The following UAP1L1 variants were observed in gnomAD, a reference collection of about 807,000 sequenced individuals.
UAP1L1 encodes the protein UDP-N-acetylglucosamine pyrophosphorylase 1 like 1, also known as UDP-N-acetylhexosamine pyrophosphorylase-like protein 1.
Under a neutral mutation model 45.3 loss-of-function variants are expected in UAP1L1, and 45 were observed. The observed-to-expected ratio is 0.99, with a 90% CI of 0.78 to 1.27. The LOEUF (loss-of-function observed/expected upper bound fraction) is 1.27, where lower values mean the gene tolerates loss of function less well. UAP1L1 is among the 50% of genes most tolerant of loss of function. The pLI, the probability that UAP1L1 is intolerant of heterozygous loss-of-function variation, is 0.00. For missense variants in UAP1L1, 667 were observed against 694.0 expected (o/e 0.96, Z 0.44); for synonymous variants, 323 against 303.9 (o/e 1.06, Z -0.65).
At chr9:137,080,563 C>T (rs1832773536) in intron 6 of UAP1L1, 126 bp from the exon 7 acceptor site, 4 of 938,898 alleles carry the variant, frequency 4.3e-6, no homozygotes, top group African/African-American at 1.7e-5. Context: ...TGCGGGGGCT[C>T]CTCCCTAGAC....
chr9:137,078,481 C>G (rs940202113), intron 2 of UAP1L1, 21 bp from the exon 3 acceptor site: 26 of 1,612,672 alleles, frequency 1.6e-5, no homozygotes, highest in Non-Finnish European at 2.1e-5. Context: ...TCGCGGCCGG[C>G]TCACCGCGCC....
At chr9:137,080,290 T>G in intron 6 of UAP1L1, 148 bp downstream of exon 6, 1 of 1,050,658 alleles carries the variant, frequency 9.5e-7, no homozygotes, top group Non-Finnish European at 1.4e-6. Context: ...AGGGTGCTCT[T>G]GGCCCTGAGG....
At position 137,077,994 on chromosome 9, in the gene UAP1L1, T is replaced by C; in HGVS notation, c.290-56T>C. On this transcript the variant is annotated intron_variant, in intron 1 of 8. Transcript: ENST00000409858. This position sits in a 1 kb window ranked among gnomAD's most constrained non-coding sequence, Gnocchi z 4.7. Reference sequence around the variant, plus strand: ...CCCCAGCCCCAGAGTTGGTTTCCCCTAAAGCGGAAGGGTGGGCGGGTCCCG... The same window carrying C: ...CCCCAGCCCCAGAGTTGGTTTCCCCCAAAGCGGAAGGGTGGGCGGGTCCCG... The C allele has an allele frequency of 6.5e-7, 1 of 1,538,394 alleles. No individual in the cohort carries two copies. Among genetic ancestry groups the C allele is most frequent in the Non-Finnish European group, 8.7e-7 (1 of 1,146,598 alleles).
chr9:137,078,476 G>C, intron 2 of UAP1L1, 26 bp from the exon 3 acceptor site: 1 of 1,612,734 alleles, frequency 6.2e-7, no homozygotes, highest in Non-Finnish European at 8.5e-7. Flanking sequence ...CGTACTCGCG[G>C]CCGGCTCACC....
rs1183813125 is a variant in UAP1L1, at chr9:137,084,208, G to GT, written c.*1483dup. 6.6e-6 allele frequency: 1 copy of GT among 151,488 alleles called. No homozygotes were observed. The highest frequency in any genetic ancestry group is 1.9e-4 in the East Asian group (1 of 5,194). 9.4% of individuals were successfully genotyped at this position (151,488 alleles called of 1,614,324 possible). On this transcript the variant is annotated 3_prime_UTR_variant, in exon 9 of 9. Coordinates refer to ENST00000409858, the MANE Select transcript of UAP1L1 (RefSeq NM_207309.3). Reference sequence around the variant, plus strand: ...TTGGGTGAAGTCTTTTTTTTTGTTTGTTTTAGACGGAGTTTCACTCTTGTT... The same window carrying GT: ...TTGGGTGAAGTCTTTTTTTTTGTTTGTTTTTAGACGGAGTTTCACTCTTGTT...
chr9:137,081,341 A>G (rs1292908230), intron 7 of UAP1L1, among the ~76,000 whole-genome samples: 1 of 150,534 alleles, frequency 6.6e-6, no homozygotes, highest in African/African-American at 2.4e-5. Context: ...AGCTGGGACT[A>G]CAGGCGCCCG....
In UAP1L1 at chr9:137,077,966, G is replaced by A; in HGVS notation, c.290-84G>A. On this transcript the variant is annotated intron_variant, in intron 1 of 8. Coordinates refer to ENST00000409858, the MANE Select transcript of UAP1L1 (RefSeq NM_207309.3). This position sits in a 1 kb window ranked among gnomAD's most constrained non-coding sequence, Gnocchi z 4.7. The stretch of plus-strand genomic sequence containing the variant: ...CACGCGTTCCGGCCCCCGAGTCCTG[G>A]CGCCCCAGCCCCAGAGTTGGTTTCC... The A allele has an allele frequency of 6.5e-7, 1 of 1,531,290 alleles. No homozygotes were observed. Among genetic ancestry groups the A allele is most frequent in the Non-Finnish European group, 8.7e-7 (1 of 1,144,976 alleles). 94.9% of individuals were successfully genotyped at this position (1,531,290 alleles called of 1,614,324 possible).
At chr9:137,078,954 C>G in intron 3 of UAP1L1, 22 bp from the exon 4 acceptor site, 1 of 1,573,214 alleles carries the variant, frequency 6.4e-7, no homozygotes, top group Non-Finnish European at 8.6e-7. Flanking sequence ...CTCGCGATGC[C>G]CATTCCCTTC....
chr9:137,084,251 G>T lies in UAP1L1; in HGVS notation c.*1522G>T, dbSNP rs1241802130. 6.6e-6 allele frequency: 1 copy of T among 152,170 alleles called. No homozygotes were observed. Among genetic ancestry groups the T allele is most frequent in the Non-Finnish European group, 1.5e-5 (1 of 68,076 alleles). 9.4% of individuals were successfully genotyped at this position (152,170 alleles called of 1,614,324 possible). A position where few individuals can be genotyped will look rare whatever the true frequency, so the allele number is the denominator to read the frequency against. On this transcript the variant is annotated 3_prime_UTR_variant, in exon 9 of 9. Transcript: ENST00000409858. ...CTCTTGTTGCCCAGGCTGGAGTGAA[G>T]TGGCGTGACCTTGGCTCACTGCAAC...
At chr9:137,080,320 G>A (rs746330625) in intron 6 of UAP1L1, 178 bp downstream of exon 6, 1 of 743,588 alleles carries the variant, frequency 1.3e-6, no homozygotes, top group Non-Finnish European at 2.2e-6. Context: ...CCCTGAGGTG[G>A]GGGCATAGGG....
rs1429066672 is a variant in UAP1L1 at position 137,082,554 on chromosome 9, G to A, written c.1432-83G>A. Reference sequence around the variant, plus strand: ...CAGGCAGACCTGGGATCGCACCTGGGGACTGTGGCTCTTGGTGTGGCCAGA... The same window carrying A: ...CAGGCAGACCTGGGATCGCACCTGGAGACTGTGGCTCTTGGTGTGGCCAGA... On this transcript the variant is annotated intron_variant, in intron 8 of 8. Coordinates refer to ENST00000409858, the MANE Select transcript of UAP1L1 (RefSeq NM_207309.3). The surrounding 1 kb of genome is among the most constrained non-coding windows in gnomAD (Gnocchi z 5.7). 8.6e-7 allele frequency: 1 copy of A among 1,162,698 alleles called. No homozygotes were observed. The highest frequency in any genetic ancestry group is 1.3e-6 in the Non-Finnish European group (1 of 799,334). 72.0% of individuals were successfully genotyped at this position (1,162,698 alleles called of 1,614,324 possible). A position where few individuals can be genotyped will look rare whatever the true frequency, so the allele number is the denominator to read the frequency against.
chr9:137,082,753 C>T lies in UAP1L1; in HGVS notation c.*24C>T, dbSNP rs371000716. 45 of 1,528,416 alleles carry T rather than the reference C, an allele frequency of 2.9e-5. No homozygotes were observed. The East Asian group carries it at 3.9e-4, about 13-fold the overall frequency. 94.7% of individuals were successfully genotyped at this position (1,528,416 alleles called of 1,614,324 possible). A position where few individuals can be genotyped will look rare whatever the true frequency, so the allele number is the denominator to read the frequency against. ...GACCCGCCCAGACTGTCCCCAGACT[C>T]CCCCGAGACCTGCCAGCCCCGGCAT... On this transcript the variant is annotated 3_prime_UTR_variant, in exon 9 of 9. Transcript: ENST00000409858. This position sits in a 1 kb window ranked among gnomAD's most constrained non-coding sequence, Gnocchi z 5.7.
At position 137,078,592 on chromosome 9, in the gene UAP1L1, C is replaced by T; in HGVS notation, c.585C>T (p.Val195=). Residue 195 remains valine, a synonymous_variant, in exon 3 of 9, where the codon GTC becomes GTT. Coordinates refer to ENST00000409858, the MANE Select transcript of UAP1L1 (RefSeq NM_207309.3). ...TCCACCTGGACCCCGCCAACGTGGT[C>T]ATGTTTGAGCAGCGCCTGCTGCCTG... is the stretch of plus-strand genomic sequence containing the variant. The part of the protein sequence containing the change: ...NFFHLDPANV[V]MFEQRLLPAV... 1 of 1,613,172 alleles carries T rather than the reference C, an allele frequency of 6.2e-7. No individual in the cohort carries two copies. Among genetic ancestry groups the T allele is most frequent in the Non-Finnish European group, 8.5e-7 (1 of 1,180,020 alleles).
chr9:137,080,174 C>T (rs774013673), intron 6 of UAP1L1, 32 bp downstream of exon 6: 35 of 1,610,614 alleles, frequency 2.2e-5, no homozygotes, highest in South Asian at 6.6e-5. Flanking sequence ...TTTTCCCCTT[C>T]TTCCTTCTCT....
At position 137,077,939 on chromosome 9, in the gene UAP1L1, C is replaced by T; in HGVS notation, c.290-111C>T. ...CTCGCTACTTTGAGACGTGTCTCGCCTCACGCGTTCCGGCCCCCGAGTCCT... is the reference window on the plus strand; with the variant it reads ...CTCGCTACTTTGAGACGTGTCTCGCTTCACGCGTTCCGGCCCCCGAGTCCT... On this transcript the variant is annotated intron_variant, in intron 1 of 8. Transcript: ENST00000409858. This position sits in a 1 kb window ranked among gnomAD's most constrained non-coding sequence, Gnocchi z 4.7. 2.0e-6 allele frequency: 3 copies of T among 1,521,516 alleles called. No homozygotes were observed. Among genetic ancestry groups the T allele is most frequent in the South Asian group, 1.2e-5 (1 of 81,532 alleles). The allele number at this position is 1,521,516 out of a possible 1,614,324, so 94.3% of individuals were successfully genotyped here.
chr9:137,079,559 G>A lies in UAP1L1; in HGVS notation c.1037+110G>A, dbSNP rs990545726. On this transcript the variant is annotated intron_variant, in intron 5 of 8. Transcript: ENST00000409858. The stretch of plus-strand genomic sequence containing the variant: ...CCCTGGGCCACAGCGGCTGTGGTCA[G>A]GAGTGGCTGTGGTCAGGCACGGCTG... The A allele has an allele frequency of 8.0e-6, 9 of 1,123,900 alleles. No homozygotes were observed. The African/African-American group carries it at 1.3e-4, about 16-fold the overall frequency. The allele number at this position is 1,123,900 out of a possible 1,614,324, so 69.6% of individuals were successfully genotyped here.
rs1321267130 is a variant in UAP1L1 at position 137,078,081 on chromosome 9, C to G, written c.321C>G (p.Ala107=). The G allele has an allele frequency of 1.2e-5, 18 of 1,549,988 alleles. No homozygotes were observed. The highest frequency in any genetic ancestry group is 2.0e-5 in the Admixed American group (1 of 50,984). The change falls in exon 2 of 9, where the codon GCC becomes GCG. Residue 107 remains alanine, a synonymous_variant. Coordinates refer to ENST00000409858, the MANE Select transcript of UAP1L1 (RefSeq NM_207309.3). ...GTCAGATTTCTCTGAACAAGGTGGC[C>G]GTCCTGCTGCTGGCTGGGGGGCAGG... ...GFRQISLNKV[A]VLLLAGGQGT...
At position 137,080,876 on chromosome 9, in the gene UAP1L1, T is replaced by C; in HGVS notation, c.1364+2T>C. The C allele has an allele frequency of 6.3e-7, 1 of 1,584,388 alleles. No individual in the cohort carries two copies. On this transcript the variant is annotated splice_donor_variant, in intron 7 of 8. Coordinates refer to ENST00000409858, the MANE Select transcript of UAP1L1 (RefSeq NM_207309.3). LOFTEE classifies it high-confidence loss of function. ...GGCCTGGCTCCCAGAGCTGCCCAGG[T>C]GAGTGTGGCCCTGGGGTAGCTACAG...
At chr9:137,081,321 C>G (rs1832784776) in intron 7 of UAP1L1, among the ~76,000 whole-genome samples, 1 of 152,032 alleles carries the variant, frequency 6.6e-6, no homozygotes, top group Non-Finnish European at 1.5e-5. Flanking sequence ...CCTGCCTCAG[C>G]CTCCTGAGTA....
Sources: allele counts gnomAD v4.1 joint callset (sites outside exome capture counted in the v4.1 genomes callset), GRCh38; gene constraint gnomAD v4.1.1; non-coding constraint Gnocchi (gnomAD v3.1); transcripts MANE v1.5; gene names NCBI Gene and HGNC (gene_info 2026-07-23, HGNC 2026-07-21).